NR1H3: variants seen among roughly 807,000 people sequenced by gnomAD.
NR1H3 encodes the protein nuclear receptor subfamily 1 group H member 3, also known as oxysterols receptor LXR-alpha.
Under a neutral mutation model 48.1 loss-of-function variants are expected in NR1H3, and 19 were observed. That is an observed-to-expected ratio of 0.40 (90% CI 0.28 to 0.58). NR1H3 has a LOEUF of 0.58. NR1H3 is among the 20% of genes least tolerant of loss of function. The pLI is 0.50. For synonymous variants in NR1H3, 232 were observed against 227.3 expected, an observed-to-expected ratio of 1.02 and a Z score of -0.19; for missense variants, 486 against 595.9, an observed-to-expected ratio of 0.82 and a Z score of 1.92.
At chr11:47,258,824 C>T (rs1338716062) in intron 1 of NR1H3, 5 of 200,178 alleles carry the variant, frequency 2.5e-5, no homozygotes, top group South Asian at 8.9e-5. Flanking sequence ...GAGACCCCAT[C>T]TCAAAAAAAA....
At chr11:47,264,022 A>G (rs1286672256) in intron 7 of NR1H3, among the ~76,000 whole-genome samples, 1 of 152,130 alleles carries the variant, frequency 6.6e-6, no homozygotes, top group East Asian at 1.9e-4. Context: ...TATCTGAAGT[A>G]TTTTCTCCAA....
At chr11:47,248,363 G>A (rs1026099280), upstream of NR1H3, 6 of 1,352,638 alleles carry the variant, frequency 4.4e-6, no homozygotes, top group Admixed American at 2.1e-5. Context: ...CAGGTAGGAA[G>A]GGAAAAGAGA....
At chr11:47,248,584 C>CAGCT, upstream of NR1H3, 2 of 1,552,128 alleles carry the variant, frequency 1.3e-6, no homozygotes, top group East Asian at 4.9e-5. Flanking sequence ...CCTCCTAAAC[C>CAGCT]AGCTGTTCCT....
upstream of NR1H3, among the ~76,000 whole-genome samples, chr11:47,255,545 CTTT>C (rs1955013589): frequency 1.0e-5 from 1 of 99,794 alleles, no homozygotes; most frequent in Admixed American, 1.0e-4. Context: ...CTTTCTTTTT[CTTT>C]CTTTCTTTCT....
intron 1 of NR1H3, among the ~76,000 whole-genome samples, chr11:47,249,166 G>A (rs1261955445): frequency 6.6e-6 from 1 of 152,184 alleles, no homozygotes; most frequent in Non-Finnish European, 1.5e-5. Context: ...TGACCCCATA[G>A]CTAGATCGGG....
intron 7 of NR1H3, among the ~76,000 whole-genome samples, chr11:47,266,619 C>T (rs954425609): frequency 6.6e-6 from 1 of 151,462 alleles, no homozygotes; most frequent in Non-Finnish European, 1.5e-5. Flanking sequence ...TAGGGATAAG[C>T]CACCGCATCC....
chr11:47,268,256 T>C lies in NR1H3; in HGVS notation c.1103-5T>C, dbSNP rs1364179262. 1.2e-6 allele frequency: 2 copies of C among 1,613,848 alleles called. No individual in the cohort carries two copies. Among genetic ancestry groups the C allele is most frequent in the Admixed American group, 1.7e-5 (1 of 59,994 alleles). On this transcript the variant is annotated splice_region_variant and splice_polypyrimidine_tract_variant and intron_variant, in intron 8 of 9. Coordinates refer to ENST00000441012, the MANE Select transcript of NR1H3 (RefSeq NM_005693.4). The stretch of plus-strand genomic sequence containing the variant: ...CTGCTCCTCAACTCTCTTGGTGACC[T>C]ATAGACCGGCCCAACGTGCAGGACC...
chr11:47,259,330 C>G, intron 2 of NR1H3, 71 bp downstream of exon 2: 6 of 1,608,186 alleles, frequency 3.7e-6, no homozygotes, highest in Non-Finnish European at 5.1e-6. Context: ...GAATCAGCCT[C>G]CTTCATTACC....
At chr11:47,263,905 T>G (rs1453490410) in intron 7 of NR1H3, among the ~76,000 whole-genome samples, 1 of 152,038 alleles carries the variant, frequency 6.6e-6, no homozygotes, top group East Asian at 1.9e-4. Flanking sequence ...TCCAGGCCCC[T>G]CCCCTACTCT....
At chr11:47,264,566 G>T (rs978597096) in intron 7 of NR1H3, among the ~76,000 whole-genome samples, 1 of 152,176 alleles carries the variant, frequency 6.6e-6, no homozygotes, top group Non-Finnish European at 1.5e-5. Context: ...TATTATCTCA[G>T]ACCTTCTTAA....
Position 47,259,243 on chromosome 11 carries a change from G to A in NR1H3, c.27G>A (p.Val9=), listed in dbSNP as rs1256582965. The part of the protein sequence containing the change: MSLWLGAP[V]PDIPPDSAVE... The stretch of plus-strand genomic sequence containing the variant: ...TGTCCTTGTGGCTGGGGGCCCCTGT[G>A]CCTGACATTCCTCCTGGTAAGCTTC... The change falls in exon 2 of 10, where the codon GTG becomes GTA. Residue 9 remains valine (V), a synonymous_variant. Coordinates refer to ENST00000441012, the MANE Select transcript of NR1H3 (RefSeq NM_005693.4). 1 of 1,614,078 alleles carries A rather than the reference G, an allele frequency of 6.2e-7. No homozygotes were observed. The highest frequency in any genetic ancestry group is 8.5e-7 in the Non-Finnish European group (1 of 1,180,038).
intron 7 of NR1H3, among the ~76,000 whole-genome samples, chr11:47,264,907 T>TAGCTA (rs1260440602): frequency 1.3e-5 from 2 of 152,196 alleles, no homozygotes; most frequent in Non-Finnish European, 2.9e-5. Flanking sequence ...AGAGGTGCAT[T>TAGCTA]AGCTAACTAT....
At chr11:47,257,274 G>C (rs1414066132), upstream of NR1H3, among the ~76,000 whole-genome samples, 1 of 152,158 alleles carries the variant, frequency 6.6e-6, no homozygotes, top group Non-Finnish European at 1.5e-5. Flanking sequence ...CCCAGAAGAG[G>C]CAACCCGCAT....
At chr11:47,263,489 T>C (rs1032203834) in intron 7 of NR1H3, among the ~76,000 whole-genome samples, 6 of 151,858 alleles carry the variant, frequency 4.0e-5, no homozygotes, top group Admixed American at 1.3e-4. Context: ...GGTCTCAAAA[T>C]GGTCTCGAAC....
intron 1 of NR1H3, among the ~76,000 whole-genome samples, chr11:47,251,033 C>G (rs561298644): frequency 1.7e-3 from 259 of 152,156 alleles, no homozygotes; most frequent in African/African-American, 6.2e-3. Flanking sequence ...GTGGCAGGTG[C>G]CGGTAGTCCC....
chr11:47,258,780 G>C (rs1346228368), intron 1 of NR1H3: 1 of 179,372 alleles, frequency 5.6e-6, no homozygotes, highest in Non-Finnish European at 1.2e-5. Flanking sequence ...TTGCACCTGT[G>C]AATAGCACTG....
chr11:47,259,723 C>A, intron 2 of NR1H3, 68 bp from the exon 3 acceptor site: 3 of 1,604,084 alleles, frequency 1.9e-6, no homozygotes, highest in Non-Finnish European at 1.7e-6. Flanking sequence ...AGTTTCCCAG[C>A]TAGGACGCTG....
rs1220087079 is a variant in NR1H3, at chr11:47,262,119, C to T, written c.988+101C>T. 1.5e-5 allele frequency: 12 copies of T among 819,134 alleles called. 1 individual carries two copies. The South Asian group carries it at 1.9e-4, about 13-fold the overall frequency. The allele number at this position is 819,134 out of a possible 1,614,324, so 50.7% of individuals were successfully genotyped here. ...TGAGGGCCAGGCGCGGTGGCTCATG[C>T]CTGTAATCCCAGCACTTTGGGAGGC... On this transcript the variant is annotated intron_variant, in intron 7 of 9. Coordinates refer to ENST00000441012, the MANE Select transcript of NR1H3 (RefSeq NM_005693.4).
At position 47,259,856 on chromosome 11, in the gene NR1H3, A is replaced by G. The variant is rs1037809309; in HGVS notation, c.109A>G (p.Ser37Gly). The G allele has an allele frequency of 6.2e-7, 1 of 1,612,628 alleles. No individual in the cohort carries two copies. The highest frequency in any genetic ancestry group is 1.7e-5 in the Admixed American group (1 of 59,986). The change falls in exon 3 of 10, where the codon AGC (serine) becomes GGC (glycine). Residue 37 changes from serine to glycine, a missense_variant. Physicochemically the swap from Ser to Gly is moderately conservative, Grantham distance 56 (BLOSUM62 0). Transcript: ENST00000441012. ...AAGCAGCCAGGCCCAGGGAGGCAGC[A>G]GCTGCATCCTCAGAGAGGAAGCCAG... ...DASSQAQGGS[S>G]CILREEARMP... is the part of the protein sequence containing the mutation.
Sources: allele counts gnomAD v4.1 joint callset (sites outside exome capture counted in the v4.1 genomes callset), GRCh38; gene constraint gnomAD v4.1.1; transcripts MANE v1.5; gene names NCBI Gene and HGNC (gene_info 2026-07-23, HGNC 2026-07-21).